The following ESR1 variants were observed in gnomAD, a reference collection of about 807,000 sequenced individuals.
ESR1 encodes estrogen receptor.
ESR1 carries 12 observed loss-of-function variants against 52.7 expected under a neutral mutation model. That is an observed-to-expected ratio of 0.23 (90% CI 0.15 to 0.37). The LOEUF (loss-of-function observed/expected upper bound fraction) is 0.37, where lower values mean the gene tolerates loss of function less well. ESR1 is among the 10% of genes least tolerant of loss of function. The pLI is 1.00. For synonymous variants in ESR1, 305 were observed against 316.8 expected, an observed-to-expected ratio of 0.96 and a Z score of 0.39; for missense variants, 584 against 779.7, an observed-to-expected ratio of 0.75 and a Z score of 2.99.
At chr6:151,805,527 T>A (rs1404825384), upstream of ESR1, 3 of 152,810 alleles carry the variant, frequency 2.0e-5, no homozygotes, top group Non-Finnish European at 4.4e-5. Flanking sequence ...GCCACACTGC[T>A]CCCTGTGAGC....
At chr6:152,105,345 G>T (rs1445093165), downstream of ESR1, among the ~76,000 whole-genome samples, 1 of 152,040 alleles carries the variant, frequency 6.6e-6, no homozygotes, top group East Asian at 1.9e-4. Flanking sequence ...TAACCTGTGG[G>T]ATCTAACAGA....
chr6:152,116,340 A>G (rs2051210504), intron 6 of ESR1, among the ~76,000 whole-genome samples: 1 of 152,230 alleles, frequency 6.6e-6, no homozygotes, highest in Non-Finnish European at 1.5e-5. Context: ...CAGTGGTTGA[A>G]AAAGAGATAC....
At chr6:152,089,469 A>G (rs2050004513) in intron 6 of ESR1, among the ~76,000 whole-genome samples, 1 of 152,264 alleles carries the variant, frequency 6.6e-6, no homozygotes, top group African/African-American at 2.4e-5. Context: ...CATAAAGTGA[A>G]TAAGCTATTT....
intron 5 of ESR1, among the ~76,000 whole-genome samples, chr6:152,022,927 A>G (rs2128823545): frequency 6.6e-6 from 1 of 151,908 alleles, no homozygotes; most frequent in Non-Finnish European, 1.5e-5. Flanking sequence ...CAGTGAGCCA[A>G]GTTCTCACCA....
At chr6:151,906,591 G>A (rs1443998626) in intron 3 of ESR1, among the ~76,000 whole-genome samples, 1 of 150,684 alleles carries the variant, frequency 6.6e-6, no homozygotes, top group African/African-American at 2.4e-5. Flanking sequence ...ACAAAATACC[G>A]GCAAGAAAAA....
chr6:151,999,607 T>C (rs934154152), intron 4 of ESR1, among the ~76,000 whole-genome samples: 1 of 152,106 alleles, frequency 6.6e-6, no homozygotes, highest in African/African-American at 2.4e-5. Flanking sequence ...GTAGGATGCA[T>C]GAAATTCTTA....
intron 2 of ESR1, among the ~76,000 whole-genome samples, chr6:151,872,748 G>A (rs1038366948): frequency 6.6e-6 from 1 of 152,144 alleles, no homozygotes; most frequent in Admixed American, 6.5e-5. Context: ...GTCCTACCAA[G>A]ACAAAGCATC....
chr6:152,125,492 T>G (rs904994890), exon 7 of ESR1: 5 of 1,182,304 alleles, frequency 4.2e-6, no homozygotes, highest in Non-Finnish European at 5.7e-6. Flanking sequence ...TTTGCAATGA[T>G]TCAATGGTTT....
chr6:151,898,391 T>A (rs528522369), intron 3 of ESR1, among the ~76,000 whole-genome samples: 1 of 151,846 alleles, frequency 6.6e-6, no homozygotes, highest in East Asian at 1.9e-4. Context: ...TTCATTTTTT[T>A]TTTTTTTTCT....
chr6:151,815,592 A>C (rs995551764), intron 1 of ESR1, among the ~76,000 whole-genome samples: 75 of 152,194 alleles, frequency 4.9e-4, no homozygotes, highest in African/African-American at 1.6e-3. Flanking sequence ...GAAGTTTGTG[A>C]ATCTCTCTTT....
chr6:151,996,131 A>G lies in ESR1; in HGVS notation c.1097-15525A>G, dbSNP rs139909613. ...ATTCATATCTTTTGATAAACAGTGC[A>G]TTTTTTCCCTGATAGTCTGTATGGG... On this transcript the variant is annotated intron_variant, in intron 4 of 7. Transcript: ENST00000206249. Among the ~76,000 whole-genome samples, 967 of 152,126 alleles carry G rather than the reference A, an allele frequency of 6.4e-3. 10 individuals carry two copies. Among genetic ancestry groups the G allele is most frequent in the African/African-American group, 0.022 (901 of 41,514 alleles).
At chr6:151,773,375 C>T (rs1785676350) in intron 2 of ESR1, among the ~76,000 whole-genome samples, 2 of 152,222 alleles carry the variant, frequency 1.3e-5, no homozygotes, top group Non-Finnish European at 1.5e-5. Flanking sequence ...TGAGACAATA[C>T]ATTTTTGATG....
At chr6:151,756,945 GAGCCACTGCACTCC>G (rs1472287917) in intron 2 of ESR1, among the ~76,000 whole-genome samples, 1 of 152,114 alleles carries the variant, frequency 6.6e-6, no homozygotes, top group Non-Finnish European at 1.5e-5. Context: ...AGCCGGCATT[GAGCCACTGCACTCC>G]AGCCTGGGCG....
At chr6:152,068,069 T>C (rs1468342914) in intron 6 of ESR1, among the ~76,000 whole-genome samples, 1 of 152,240 alleles carries the variant, frequency 6.6e-6, no homozygotes, top group Non-Finnish European at 1.5e-5. Flanking sequence ...TTTGTGTAAT[T>C]AAGTTGCTGT....
chr6:152,018,356 A>G (rs1282771460), intron 5 of ESR1, among the ~76,000 whole-genome samples: 1 of 151,688 alleles, frequency 6.6e-6, no homozygotes, highest in Non-Finnish European at 1.5e-5. Context: ...TAACATATTT[A>G]TTAGCTATCT....
At chr6:151,710,280 T>C (rs1780499093) in intron 2 of ESR1, among the ~76,000 whole-genome samples, 1 of 151,968 alleles carries the variant, frequency 6.6e-6, no homozygotes, top group Admixed American at 6.6e-5. Flanking sequence ...TTTTTTTTTT[T>C]CAGTCCAAAT....
intron 4 of ESR1, among the ~76,000 whole-genome samples, chr6:151,978,900 A>T (rs952677030): frequency 6.6e-6 from 1 of 152,236 alleles, no homozygotes; most frequent in African/African-American, 2.4e-5. Flanking sequence ...GCAAGAAAGA[A>T]TGGTAAGTCA....
chr6:151,818,804 T>C (rs1562439008), intron 1 of ESR1, among the ~76,000 whole-genome samples: 1 of 138,708 alleles, frequency 7.2e-6, no homozygotes, highest in East Asian at 2.2e-4. Context: ...TATATACACA[T>C]ATATACACAC....
chr6:152,005,948 G>C (rs893932772), intron 4 of ESR1, among the ~76,000 whole-genome samples: 1 of 152,026 alleles, frequency 6.6e-6, no homozygotes, highest in Non-Finnish European at 1.5e-5. Context: ...CTTGATATTG[G>C]CAAGGTGGTT....
Sources: gnomAD v4.1 joint callset for allele counts (sites outside exome capture counted in the v4.1 genomes callset) on GRCh38, gnomAD v4.1.1 for gene constraint, MANE v1.5 for transcripts, NCBI Gene and HGNC (gene_info 2026-07-23, HGNC 2026-07-21) for gene names.